The following HPSE2 variants were observed in gnomAD, a reference collection of about 807,000 sequenced individuals.
HPSE2 encodes the protein inactive heparanase-2.
In HPSE2, 38 loss-of-function variants were observed where a neutral mutation model predicts 60.5. The observed-to-expected ratio is 0.63, with a 90% CI of 0.48 to 0.82. HPSE2 has a LOEUF of 0.82. Among genes scored for constraint, HPSE2 ranks in the 40% least tolerant of loss-of-function variants. The pLI is 0.00. For synonymous variants in HPSE2, 295 were observed against 293.2 expected (o/e 1.01, Z -0.06); for missense variants, 713 against 740.4 (o/e 0.96, Z 0.43).
chr10:98,603,616 A>G (rs993022238), intron 9 of HPSE2, among the ~76,000 whole-genome samples: 3 of 151,722 alleles, frequency 2.0e-5, no homozygotes, highest in Non-Finnish European at 4.4e-5. Context: ...TTTTAGTAGT[A>G]ACGGGGTTTC....
chr10:99,189,797 T>C (rs1430835295), intron 2 of HPSE2, among the ~76,000 whole-genome samples: 1 of 152,228 alleles, frequency 6.6e-6, no homozygotes. Context: ...GCATCTCTTA[T>C]GCGTCCATTT....
chr10:99,101,627 A>C (rs566173956), intron 3 of HPSE2, among the ~76,000 whole-genome samples: 1 of 152,236 alleles, frequency 6.6e-6, no homozygotes, highest in Non-Finnish European at 1.5e-5. Context: ...CTCTGCACCA[A>C]GTGGACCTAA....
At chr10:98,537,737 G>A (rs1308066639) in intron 9 of HPSE2, among the ~76,000 whole-genome samples, 1 of 152,150 alleles carries the variant, frequency 6.6e-6, no homozygotes, top group African/African-American at 2.4e-5. Context: ...CCTTTCCTTG[G>A]AGGAGTCAGG....
chr10:98,590,493 C>G (rs1229120232), intron 9 of HPSE2, among the ~76,000 whole-genome samples: 2 of 152,102 alleles, frequency 1.3e-5, no homozygotes, highest in African/African-American at 4.8e-5. Context: ...ACCCTTTATT[C>G]TTTCATTTTC....
chr10:99,063,322 A>AAC (rs1159112677), intron 3 of HPSE2, among the ~76,000 whole-genome samples: 1 of 152,088 alleles, frequency 6.6e-6, no homozygotes, highest in Non-Finnish European at 1.5e-5. Context: ...AAATACAAAC[A>AAC]ACACACACAC....
chr10:99,232,136 A>T (rs937527455), intron 2 of HPSE2, among the ~76,000 whole-genome samples: 2 of 151,758 alleles, frequency 1.3e-5, no homozygotes, highest in Non-Finnish European at 1.5e-5. Context: ...GTGTCTCCTC[A>T]TCTGAAGCTT....
At chr10:99,303,574 C>T in the HPSE2 span, among the ~76,000 whole-genome samples, 1 of 152,114 alleles carries the variant, frequency 6.6e-6, no homozygotes, top group African/African-American at 2.4e-5. Context: ...TATTGAGTAC[C>T]CACACTACTG....
At chr10:98,763,203 T>C (rs913500496) in intron 3 of HPSE2, among the ~76,000 whole-genome samples, 3 of 151,346 alleles carry the variant, frequency 2.0e-5, no homozygotes, top group African/African-American at 7.3e-5. Flanking sequence ...TGAGACAATA[T>C]CAAAAGGTTT....
intron 5 of HPSE2, among the ~76,000 whole-genome samples, chr10:98,719,780 T>C (rs1341993811): frequency 2.0e-5 from 3 of 151,160 alleles, no homozygotes; most frequent in East Asian, 1.9e-4. Flanking sequence ...ACGGGTGGAT[T>C]ACCTGAGGTC....
chr10:98,750,371 G>A (rs754127667), intron 3 of HPSE2, among the ~76,000 whole-genome samples: 7 of 152,096 alleles, frequency 4.6e-5, no homozygotes, highest in Admixed American at 6.6e-5. Flanking sequence ...AAGAACTTTG[G>A]CTTTTGCCCT....
intron 3 of HPSE2, among the ~76,000 whole-genome samples, chr10:98,810,215 G>A (rs115177533): frequency 0.012 from 1,805 of 152,068 alleles, 24 homozygotes; most frequent in African/African-American, 0.041. Flanking sequence ...ATACTCTACC[G>A]AAATTGTTTA....
intron 5 of HPSE2, among the ~76,000 whole-genome samples, chr10:98,700,411 T>C (rs934882660): frequency 3.5e-4 from 50 of 142,928 alleles, no homozygotes; most frequent in African/African-American, 1.1e-3. Flanking sequence ...CCCTATTTAA[T>C]AAATGGTGCT....
chr10:98,658,552 TC>T (rs1408921677), intron 6 of HPSE2, among the ~76,000 whole-genome samples: 1 of 150,172 alleles, frequency 6.7e-6, no homozygotes, highest in Non-Finnish European at 1.5e-5. Flanking sequence ...AATTAATCAA[TC>T]TTTTTTTTTT....
At chr10:98,522,255 C>CAA (rs374966889) in intron 9 of HPSE2, among the ~76,000 whole-genome samples, 16 of 136,048 alleles carry the variant, frequency 1.2e-4, no homozygotes, top group Non-Finnish European at 2.3e-4. Flanking sequence ...CTTCAATATG[C>CAA]AAAAAAAAAA....
the HPSE2 span, among the ~76,000 whole-genome samples, chr10:99,280,270 A>G: frequency 6.6e-6 from 1 of 152,228 alleles, no homozygotes; most frequent in Admixed American, 6.5e-5. Flanking sequence ...GAACCTGATC[A>G]TGTAAAGAAG....
At chr10:99,103,664 C>T (rs902509150) in intron 3 of HPSE2, among the ~76,000 whole-genome samples, 1 of 152,116 alleles carries the variant, frequency 6.6e-6, no homozygotes, top group Non-Finnish European at 1.5e-5. Context: ...AAAAGAGAGC[C>T]CGCATTGCCA....
intron 3 of HPSE2, among the ~76,000 whole-genome samples, chr10:98,987,143 T>C (rs1244271089): frequency 6.6e-6 from 1 of 152,042 alleles, no homozygotes. Context: ...ACTCATTTTA[T>C]GAGGCCAGCA....
chr10:98,645,924 G>A (rs1341039543), intron 6 of HPSE2, among the ~76,000 whole-genome samples: 2 of 152,174 alleles, frequency 1.3e-5, no homozygotes, highest in Non-Finnish European at 2.9e-5. Flanking sequence ...GCAGTGAGCC[G>A]AGATTGTGCC....
chr10:99,160,627 C>T (rs537337871), intron 2 of HPSE2, among the ~76,000 whole-genome samples: 6 of 152,228 alleles, frequency 3.9e-5, no homozygotes, highest in South Asian at 4.1e-4. Flanking sequence ...TGGCCGGGCG[C>T]GGTGGCTCAC....
Sources: gnomAD v4.1 joint callset for allele counts (sites outside exome capture counted in the v4.1 genomes callset) on GRCh38, gnomAD v4.1.1 for gene constraint, MANE v1.5 for transcripts, NCBI Gene and HGNC (gene_info 2026-07-23, HGNC 2026-07-21) for gene names.